The following SPATA6L variants were observed in gnomAD, a reference collection of about 807,000 sequenced individuals.
SPATA6L encodes spermatogenesis associated 6 like.
SPATA6L carries 68 observed loss-of-function variants against 49.2 expected under a neutral mutation model. The observed-to-expected ratio is 1.38, with a 90% CI of 1.14 to 1.69. The LOEUF is 1.69. SPATA6L is among the 40% of genes most tolerant of loss of function. The pLI is 0.00. For missense variants in SPATA6L, 668 were observed against 464.3 expected (o/e 1.44, Z -4.03); for synonymous variants, 198 against 165.7 (o/e 1.19, Z -1.50).
downstream of SPATA6L, among the ~76,000 whole-genome samples, chr9:4,595,292 T>C (rs1822170903): frequency 2.6e-5 from 4 of 152,248 alleles, no homozygotes; most frequent in Admixed American, 2.6e-4. Flanking sequence ...TCTCATGATG[T>C]CTTCCCAGCC....
intron 9 of SPATA6L, among the ~76,000 whole-genome samples, chr9:4,609,713 G>A (rs1239005783): frequency 1.3e-5 from 2 of 151,236 alleles, no homozygotes; most frequent in African/African-American, 4.9e-5. Context: ...AAAACTGGAA[G>A]CATTCCCTTT....
chr9:4,641,941 T>A (rs1313814221), intron 3 of SPATA6L, among the ~76,000 whole-genome samples: 2 of 152,140 alleles, frequency 1.3e-5, no homozygotes, highest in Non-Finnish European at 2.9e-5. Context: ...CTAATTTTTT[T>A]ATTTTCAGTA....
intron 9 of SPATA6L, among the ~76,000 whole-genome samples, chr9:4,606,690 G>A (rs975481655): frequency 1.8e-4 from 24 of 130,198 alleles, no homozygotes; most frequent in Admixed American, 8.3e-5. Context: ...CACAAAGATG[G>A]GGAAAAAACA....
chr9:4,663,190 A>G, intron 1 of SPATA6L: 3 of 1,614,096 alleles, frequency 1.9e-6, no homozygotes, highest in Non-Finnish European at 2.5e-6. Context: ...TACATGCAGT[A>G]CAGCATCGTG....
rs749642693 is a variant in SPATA6L at position 4,661,998 on chromosome 9, A to G, written c.78T>C (p.Asp26=). Residue 26 remains aspartate (D), a synonymous_variant, in exon 2 of 12, where the codon GAT becomes GAC. Transcript: ENST00000682582. ...TCATGAGGTAGACCCCGAGGTACACATCTTGTTTGCCAGGCAGGAACACTC... is the reference window on the plus strand; with the variant it reads ...TCATGAGGTAGACCCCGAGGTACACGTCTTGTTTGCCAGGCAGGAACACTC... ...CPGVFLPGKQ[D]VYLGVYLMNQ... is the part of the protein sequence containing the mutation. 1.9e-6 allele frequency: 3 copies of G among 1,614,170 alleles called. No homozygotes were observed. The South Asian group carries it at 3.3e-5, about 18-fold the overall frequency.
At position 4,634,238 on chromosome 9, in the gene SPATA6L, A is replaced by G. The variant is rs560708936; in HGVS notation, c.351+1037T>C. On this transcript the variant is annotated intron_variant, in intron 4 of 11. Coordinates refer to ENST00000682582, the MANE Select transcript of SPATA6L (RefSeq NM_001353486.2). ...TTCTCATCAGTTTTTAACCCCTTTT[A>G]TCTTCTGAAGAGCAATATCCCAATA... Among the ~76,000 whole-genome samples the G allele has an allele frequency of 4.6e-5, 7 of 152,308 alleles. No individual in the cohort carries two copies. In the South Asian group the frequency reaches 1.4e-3, roughly 32 times the overall value.
In SPATA6L at chr9:4,625,510, G is replaced by A; in HGVS notation, c.486C>T (p.Pro162=). The A allele has an allele frequency of 6.2e-7, 1 of 1,613,218 alleles. No homozygotes were observed. The highest frequency in any genetic ancestry group is 1.1e-5 in the South Asian group (1 of 90,926). The change falls in exon 6 of 12, where the codon CCC becomes CCT. Residue 162 remains proline (P), a synonymous_variant. Transcript: ENST00000682582. Reference sequence around the variant, plus strand: ...TTAGTTTCATCTTTATAGTATTTAAGGGAAATATTGGTTCATGTGATGTAG... The same window carrying A: ...TTAGTTTCATCTTTATAGTATTTAAAGGAAATATTGGTTCATGTGATGTAG... ...PLSTSHEPIF[P]LNTIKMKLKE...
At chr9:4,660,732 G>GT (rs1209083799) in intron 2 of SPATA6L, among the ~76,000 whole-genome samples, 1 of 152,178 alleles carries the variant, frequency 6.6e-6, no homozygotes, top group East Asian at 1.9e-4. Flanking sequence ...ACATGCACAC[G>GT]TATGTTTATT....
Position 4,590,152 on chromosome 9 carries a change from G to C in SPATA6L, c.*255-1191C>G, listed in dbSNP as rs185741878. Among the ~76,000 whole-genome samples the C allele has an allele frequency of 4.1e-4, 63 of 152,246 alleles. No individual in the cohort carries two copies. In the Middle Eastern group the frequency reaches 0.01, roughly 25 times the overall value. ...TCGGCCAGGCTGGTCTCAAACTCCT[G>C]ACCTCAGGTGATCTGCCTGCCTTGG... On this transcript the variant is annotated intron_variant and NMD_transcript_variant, in intron 13 of 13. Coordinates refer to the SPATA6L transcript ENST00000461761.
rs552440455 is a variant in SPATA6L, at chr9:4,657,375, G to A, written c.178-1286C>T. Among the ~76,000 whole-genome samples the A allele has an allele frequency of 8.5e-5, 13 of 152,162 alleles. No individual in the cohort carries two copies. In the East Asian group the frequency reaches 2.5e-3, roughly 29 times the overall value. ...GTGTCCCCCCAAAAATTCATGGAAT[G>A]AAGTCTTAAACCCAGTATCTCAGAA... On this transcript the variant is annotated intron_variant, in intron 2 of 11. Coordinates refer to ENST00000682582, the MANE Select transcript of SPATA6L (RefSeq NM_001353486.2).
chr9:4,624,932 A>G (rs994485629), intron 6 of SPATA6L, among the ~76,000 whole-genome samples: 10 of 152,158 alleles, frequency 6.6e-5, no homozygotes, highest in African/African-American at 2.4e-4. Flanking sequence ...AAACTCATGT[A>G]GTTTTCTTTA....
chr9:4,624,539 C>G (rs368421791), intron 6 of SPATA6L, among the ~76,000 whole-genome samples: 31 of 152,042 alleles, frequency 2.0e-4, no homozygotes, highest in African/African-American at 7.0e-4. Flanking sequence ...ACCAGCCTGA[C>G]CAACATGGTG....
intron 2 of SPATA6L, among the ~76,000 whole-genome samples, chr9:4,659,817 G>A (rs759727411): frequency 5.9e-5 from 9 of 152,164 alleles, no homozygotes; most frequent in Non-Finnish European, 1.2e-4. Flanking sequence ...CACAGTACTG[G>A]TACCAAAACA....
At chr9:4,656,258 G>C (rs527250483) in intron 2 of SPATA6L, among the ~76,000 whole-genome samples, 169 bp from the exon 3 acceptor site, 11 of 152,226 alleles carry the variant, frequency 7.2e-5, no homozygotes, top group African/African-American at 1.2e-4. Flanking sequence ...GGGCAACATG[G>C]TGAAACCCTC....
intron 3 of SPATA6L, among the ~76,000 whole-genome samples, chr9:4,641,023 A>G (rs10974700): frequency 0.12 from 18,406 of 152,166 alleles, 1,553 homozygotes; most frequent in African/African-American, 0.23. Context: ...AAGTTTTAAC[A>G]AGCAAGTTGC....
chr9:4,631,653 T>C (rs919859347), intron 4 of SPATA6L, among the ~76,000 whole-genome samples: 2 of 152,210 alleles, frequency 1.3e-5, no homozygotes, highest in African/African-American at 2.4e-5. Context: ...AATCTAATTA[T>C]TAATCAATTG....
Position 4,603,256 on chromosome 9 carries a change from C to T in SPATA6L, c.*1+923G>A, listed in dbSNP as rs1256369643. On this transcript the variant is annotated intron_variant, in intron 11 of 11. Coordinates refer to ENST00000682582, the MANE Select transcript of SPATA6L (RefSeq NM_001353486.2). The stretch of plus-strand genomic sequence containing the variant: ...ACCAGGCTGACCAACATGGTGAAAC[C>T]CCATCTCTACTAAAAATACAAAAAT... Among the ~76,000 whole-genome samples, 3 of 152,086 alleles carry T rather than the reference C, an allele frequency of 2.0e-5. No homozygotes were observed. The East Asian group carries it at 5.8e-4, about 29-fold the overall frequency.
chr9:4,589,684 C>T (rs1247602838), intron 13 of SPATA6L, among the ~76,000 whole-genome samples: 2 of 152,152 alleles, frequency 1.3e-5, no homozygotes, highest in Non-Finnish European at 2.9e-5. Context: ...TCACATAACA[C>T]CCCTTCAAAC....
intron 3 of SPATA6L, among the ~76,000 whole-genome samples, chr9:4,646,863 A>T (rs1835498540): frequency 6.6e-6 from 1 of 152,222 alleles, no homozygotes; most frequent in South Asian, 2.1e-4. Context: ...ATGGGAGTTA[A>T]ATGATGAGAA....
Sources: allele counts gnomAD v4.1 joint callset (sites outside exome capture counted in the v4.1 genomes callset), GRCh38; gene constraint gnomAD v4.1.1; transcripts MANE v1.5; gene names NCBI Gene and HGNC (gene_info 2026-07-23, HGNC 2026-07-21).